GLIS3: variants seen among roughly 807,000 people sequenced by gnomAD.
GLIS3 encodes the protein zinc finger protein GLIS3.
A neutral mutation model predicts 78.6 loss-of-function variants in GLIS3; 53 were observed. That is an observed-to-expected ratio of 0.67 (90% confidence interval 0.54 to 0.85). The LOEUF (loss-of-function observed/expected upper bound fraction) is 0.85. GLIS3 is among the 40% of genes least tolerant of loss of function. The pLI, the probability that GLIS3 is intolerant of heterozygous loss-of-function variation, is 0.00. For missense variants in GLIS3, 1,703 were observed against 1,231.1 expected (o/e 1.38, Z -5.74); for synonymous variants, 684 against 509.9 (o/e 1.34, Z -4.60).
At chr9:4,352,410 T>A (rs1817983694), upstream of GLIS3, among the ~76,000 whole-genome samples, 1 of 152,246 alleles carries the variant, frequency 6.6e-6, no homozygotes, top group Admixed American at 6.5e-5. Context: ...CCTTGGGTCC[T>A]TTTGGCCTGT....
chr9:3,829,481 G>T lies in GLIS3; in HGVS notation c.2485C>A (p.Gln829Lys). The change falls in exon 10 of 11, where the codon CAG becomes AAG. Residue 829 changes from glutamine to lysine, a missense_variant. By Grantham distance (53) the Gln-to-Lys change is moderately conservative. Transcript: ENST00000381971. ...TGTGGGGGACAGAACTTCTGCAGCT[G>T]CCCATAAAATCCTGAAACGCAAGCA... ...NGIHVHGFYG[Q>K]LQKFCPPHYP... is the part of the protein sequence containing the mutation. 1.9e-6 allele frequency: 3 copies of T among 1,614,080 alleles called. No individual in the cohort carries two copies. The highest frequency in any genetic ancestry group is 2.2e-5 in the South Asian group (2 of 91,084).
chr9:4,449,081 C>G, the GLIS3 span, among the ~76,000 whole-genome samples: 1 of 152,188 alleles, frequency 6.6e-6, no homozygotes. Context: ...GAAGCTGTGA[C>G]AGACGGCACC....
chr9:3,868,669 A>C (rs1820765987), intron 8 of GLIS3, among the ~76,000 whole-genome samples: 1 of 152,170 alleles, frequency 6.6e-6, no homozygotes, highest in African/African-American at 2.4e-5. Flanking sequence ...GAATGTGTGC[A>C]AGAGTCACTA....
chr9:4,489,110 G>A, the GLIS3 span, among the ~76,000 whole-genome samples: 1 of 152,132 alleles, frequency 6.6e-6, no homozygotes, highest in Non-Finnish European at 1.5e-5. Flanking sequence ...CTCGTGATCC[G>A]CTCGCCTCGG....
intron 4 of GLIS3, among the ~76,000 whole-genome samples, chr9:4,028,932 G>A (rs1823578930): frequency 6.6e-6 from 1 of 152,122 alleles, no homozygotes; most frequent in Non-Finnish European, 1.5e-5. Flanking sequence ...TGAACAAGCA[G>A]AGAAATCTTA....
At chr9:4,306,971 C>T (rs563826535) in intron 4 of GLIS3, among the ~76,000 whole-genome samples, 1 of 152,344 alleles carries the variant, frequency 6.6e-6, no homozygotes, top group East Asian at 1.9e-4. Context: ...TTCTCCCTGT[C>T]ACTGCTTTCT....
chr9:4,166,918 G>A (rs1815895847), intron 2 of GLIS3, among the ~76,000 whole-genome samples: 1 of 152,308 alleles, frequency 6.6e-6, no homozygotes, highest in South Asian at 2.1e-4. Flanking sequence ...GGGGATAAAA[G>A]CAACTAAACC....
At chr9:4,265,450 T>G (rs1825908040) in intron 2 of GLIS3, among the ~76,000 whole-genome samples, 1 of 151,970 alleles carries the variant, frequency 6.6e-6, no homozygotes, top group African/African-American at 2.4e-5. Flanking sequence ...AGGACAGAAC[T>G]GGGATTCAAT....
At chr9:4,307,527 C>T (rs940289938) in intron 4 of GLIS3, among the ~76,000 whole-genome samples, 10 of 150,420 alleles carry the variant, frequency 6.6e-5, no homozygotes, top group Non-Finnish European at 8.9e-5. Context: ...AATGTCCCCC[C>T]GGCCCCGCCC....
At chr9:4,235,569 C>T (rs557520985) in intron 2 of GLIS3, among the ~76,000 whole-genome samples, 1 of 152,316 alleles carries the variant, frequency 6.6e-6, no homozygotes, top group East Asian at 1.9e-4. Flanking sequence ...GTTACTCCTA[C>T]CGGCTCTAGA....
At chr9:3,888,727 G>A (rs1305348205) in intron 7 of GLIS3, among the ~76,000 whole-genome samples, 1 of 152,150 alleles carries the variant, frequency 6.6e-6, no homozygotes, top group East Asian at 1.9e-4. Context: ...TTGGCCATCA[G>A]GCGCTTCAGG....
intron 4 of GLIS3, among the ~76,000 whole-genome samples, chr9:4,083,253 TG>T (rs1828711319): frequency 3.3e-5 from 5 of 152,188 alleles, no homozygotes; most frequent in Admixed American, 2.0e-4. Flanking sequence ...TACTAGAATT[TG>T]GGCAGCAATA....
At chr9:4,046,179 TAA>T (rs1825234181) in intron 4 of GLIS3, among the ~76,000 whole-genome samples, 1 of 152,208 alleles carries the variant, frequency 6.6e-6, no homozygotes, top group Non-Finnish European at 1.5e-5. Flanking sequence ...AAACTTGTTA[TAA>T]ACTGTTTTCA....
intron 4 of GLIS3, among the ~76,000 whole-genome samples, chr9:4,076,000 T>A (rs1302091240): frequency 6.6e-6 from 1 of 152,088 alleles, no homozygotes; most frequent in African/African-American, 2.4e-5. Context: ...GAAGAAAAAA[T>A]TAGTACTTTG....
intron 4 of GLIS3, among the ~76,000 whole-genome samples, chr9:3,960,061 G>C (rs769498353): frequency 6.6e-6 from 1 of 152,098 alleles, no homozygotes; most frequent in Non-Finnish European, 1.5e-5. Context: ...TGCTTGAACC[G>C]AGGAGGCGGA....
chr9:4,461,811 C>A, the GLIS3 span, among the ~76,000 whole-genome samples: 4 of 152,306 alleles, frequency 2.6e-5, no homozygotes, highest in East Asian at 7.7e-4. Context: ...TCAAGTGGAG[C>A]TATATGATGG....
chr9:4,105,195 T>A (rs1298041829), intron 4 of GLIS3, among the ~76,000 whole-genome samples: 1 of 152,132 alleles, frequency 6.6e-6, no homozygotes, highest in East Asian at 1.9e-4. Flanking sequence ...CAAAACAAAG[T>A]GATTTAGAGA....
chr9:3,945,748 T>C (rs531660222), intron 4 of GLIS3, among the ~76,000 whole-genome samples: 66 of 152,320 alleles, frequency 4.3e-4, no homozygotes, highest in African/African-American at 1.5e-3. Flanking sequence ...GGAAATATAT[T>C]TTCAACTTTC....
At chr9:3,980,676 T>C (rs1819189721) in intron 4 of GLIS3, among the ~76,000 whole-genome samples, 1 of 152,196 alleles carries the variant, frequency 6.6e-6, no homozygotes, top group African/African-American at 2.4e-5. Context: ...TTGGAATTTC[T>C]TTTCAAAAAG....
Sources: gnomAD v4.1 joint callset for allele counts (sites outside exome capture counted in the v4.1 genomes callset) on GRCh38, gnomAD v4.1.1 for gene constraint, MANE v1.5 for transcripts, NCBI Gene and HGNC (gene_info 2026-07-23, HGNC 2026-07-21) for gene names.